The following DRC1 variants were observed in gnomAD, a reference collection of about 807,000 sequenced individuals.
DRC1 encodes dynein regulatory complex protein 1.
Under a neutral mutation model 98.7 loss-of-function variants are expected in DRC1, and 74 were observed. The observed-to-expected ratio is 0.75, with a 90% confidence interval of 0.62 to 0.91. The LOEUF (loss-of-function observed/expected upper bound fraction) is 0.91, where lower values mean the gene tolerates loss of function less well. Among genes scored for constraint, DRC1 ranks in the 40% least tolerant of loss-of-function variants. DRC1 has a pLI of 0.00. For synonymous variants in DRC1, 336 were observed against 334.1 expected (o/e 1.01, Z -0.06); for missense variants, 875 against 886.0 (o/e 0.99, Z 0.16).
chr2:26,429,545 G>A, intron 4 of DRC1, 83 bp from the exon 5 acceptor site: 1 of 1,530,404 alleles, frequency 6.5e-7, no homozygotes, highest in Admixed American at 1.8e-5. Flanking sequence ...GACAGATTCT[G>A]GTGAGAGGAG....
chr2:26,453,276 C>T (rs1200986871), intron 13 of DRC1, 44 bp from the exon 14 acceptor site: 3 of 1,607,588 alleles, frequency 1.9e-6, no homozygotes, highest in African/African-American at 2.7e-5. Flanking sequence ...CATGCTCATG[C>T]TCGTGTGTCC....
chr2:26,408,499 C>G lies in DRC1; in HGVS notation c.156-5845C>G, dbSNP rs367915365. 2.6e-5 allele frequency among the ~76,000 whole-genome samples: 4 copies of G among 152,136 alleles called. No homozygotes were observed. In the East Asian group the frequency reaches 7.7e-4, roughly 29 times the overall value. On this transcript the variant is annotated intron_variant, in intron 1 of 16. Transcript: ENST00000288710. Reference sequence around the variant, plus strand: ...TTAAAGACACTAATGTTGGTCTGGGCACAGTGGCTCATGCCTGTAATCCAG... The same window carrying G: ...TTAAAGACACTAATGTTGGTCTGGGGACAGTGGCTCATGCCTGTAATCCAG...
In DRC1 at chr2:26,432,461, T is replaced by G. The variant is rs12327956; in HGVS notation, c.888+455T>G. Among the ~76,000 whole-genome samples, 638 of 150,070 alleles carry G rather than the reference T, an allele frequency of 4.3e-3. 6 individuals carry two copies. Among genetic ancestry groups the G allele is most frequent in the African/African-American group, 0.015 (608 of 40,678 alleles). ...CTATAGTGAGCTGTGATCATACCACTGCACTCCAGCCTGAGCAACAGAGCA... is the reference window on the plus strand; with the variant it reads ...CTATAGTGAGCTGTGATCATACCACGGCACTCCAGCCTGAGCAACAGAGCA... On this transcript the variant is annotated intron_variant, in intron 7 of 16. Transcript: ENST00000288710.
chr2:26,418,068 G>A (rs989672794), intron 2 of DRC1, among the ~76,000 whole-genome samples: 5 of 152,002 alleles, frequency 3.3e-5, no homozygotes, highest in African/African-American at 1.2e-4. Context: ...GGGGGTCCAG[G>A]TTCTGCTCTG....
At chr2:26,423,463 A>T (rs76261793) in intron 3 of DRC1, among the ~76,000 whole-genome samples, 1 of 152,034 alleles carries the variant, frequency 6.6e-6, no homozygotes, top group Admixed American at 6.6e-5. Flanking sequence ...TCTCTGGCAG[A>T]TATCTTAGCC....
At chr2:26,424,986 G>A (rs1663246322) in intron 4 of DRC1, among the ~76,000 whole-genome samples, 1 of 152,130 alleles carries the variant, frequency 6.6e-6, no homozygotes, top group South Asian at 2.1e-4. Context: ...GTATAGTTCA[G>A]TCATGTTAAG....
chr2:26,427,445 TTATGGG>T (rs1479022464), intron 4 of DRC1, among the ~76,000 whole-genome samples: 1 of 152,090 alleles, frequency 6.6e-6, no homozygotes, highest in Non-Finnish European at 1.5e-5. Context: ...TTAAAAAATT[TTATGGG>T]TAGGTGTATA....
chr2:26,424,580 C>T, intron 4 of DRC1, 126 bp downstream of exon 4: 2 of 978,226 alleles, frequency 2.0e-6, no homozygotes, highest in South Asian at 1.9e-5. Context: ...GAATGCTGTA[C>T]AAGTCATGTT....
At chr2:26,418,908 A>T (rs1678947495) in intron 2 of DRC1, among the ~76,000 whole-genome samples, 2 of 144,616 alleles carry the variant, frequency 1.4e-5, no homozygotes, top group East Asian at 3.9e-4. Context: ...ATATATTTTG[A>T]GACAGAGTCT....
intron 2 of DRC1, among the ~76,000 whole-genome samples, chr2:26,419,638 C>T (rs1336397060): frequency 6.6e-6 from 1 of 152,164 alleles, no homozygotes; most frequent in African/African-American, 2.4e-5. Flanking sequence ...AGTGAAGTCT[C>T]TGGTCATTTC....
At chr2:26,427,405 C>T (rs896334250) in intron 4 of DRC1, among the ~76,000 whole-genome samples, 2 of 151,888 alleles carry the variant, frequency 1.3e-5, no homozygotes, top group Admixed American at 6.6e-5. Flanking sequence ...TGTGAGCCAC[C>T]GCACCTGAGC....
At chr2:26,438,546 A>G (rs557001201) in intron 7 of DRC1, among the ~76,000 whole-genome samples, 6 of 152,298 alleles carry the variant, frequency 3.9e-5, no homozygotes, top group Admixed American at 3.3e-4. Flanking sequence ...TGAAGGAGAC[A>G]TTCAAATACT....
At position 26,434,511 on chromosome 2, in the gene DRC1, A is replaced by C. The variant is rs1231427362; in HGVS notation, c.888+2505A>C. Reference sequence around the variant, plus strand: ...TCCCCCCAAATTAAATATGTTGTTTATTTACACTATATTAATTTACATTGT... The same window carrying C: ...TCCCCCCAAATTAAATATGTTGTTTCTTTACACTATATTAATTTACATTGT... On this transcript the variant is annotated intron_variant, in intron 7 of 16. Transcript: ENST00000288710. Among the ~76,000 whole-genome samples the C allele has an allele frequency of 2.0e-5, 3 of 152,328 alleles. No homozygotes were observed. In the East Asian group the frequency reaches 5.8e-4, roughly 29 times the overall value.
intron 7 of DRC1, among the ~76,000 whole-genome samples, chr2:26,434,611 G>A (rs549130603): frequency 2.6e-5 from 4 of 152,350 alleles, no homozygotes; most frequent in South Asian, 4.1e-4. Flanking sequence ...GCAAGCTACC[G>A]CCAGGCACGG....
chr2:26,420,753 TCTTTTTC>T (rs891978076), intron 2 of DRC1, among the ~76,000 whole-genome samples: 1 of 127,832 alleles, frequency 7.8e-6, no homozygotes, highest in Non-Finnish European at 1.8e-5. Flanking sequence ...CTTTTTTCTT[TCTTTTTC>T]TTCTTCTTTT....
At chr2:26,451,650 C>T (rs1241627598) in intron 13 of DRC1, among the ~76,000 whole-genome samples, 4 of 151,844 alleles carry the variant, frequency 2.6e-5, no homozygotes, top group African/African-American at 9.7e-5. Flanking sequence ...ATGATTTCAC[C>T]ACTGCATTTC....
chr2:26,438,321 T>G (rs1346595364), intron 7 of DRC1, among the ~76,000 whole-genome samples: 1 of 152,220 alleles, frequency 6.6e-6, no homozygotes, highest in African/African-American at 2.4e-5. Context: ...CTCCTATGTC[T>G]TCTTTTTCAT....
At chr2:26,405,908 C>A (rs1678408649) in intron 1 of DRC1, among the ~76,000 whole-genome samples, 1 of 152,054 alleles carries the variant, frequency 6.6e-6, no homozygotes, top group Non-Finnish European at 1.5e-5. Flanking sequence ...AATCCACCTG[C>A]CTCAGCCTCC....
chr2:26,426,081 G>A (rs1187918386), intron 4 of DRC1, among the ~76,000 whole-genome samples: 1 of 152,070 alleles, frequency 6.6e-6, no homozygotes, highest in Non-Finnish European at 1.5e-5. Context: ...TATGGTATAA[G>A]GTAAGGACCC....
Sources: allele counts gnomAD v4.1 joint callset (sites outside exome capture counted in the v4.1 genomes callset), GRCh38; gene constraint gnomAD v4.1.1; transcripts MANE v1.5; gene names NCBI Gene and HGNC (gene_info 2026-07-23, HGNC 2026-07-21).